The following PHF14 variants were observed in gnomAD, a reference collection of about 807,000 sequenced individuals.
The protein encoded by PHF14 is PHD finger protein 14.
In PHF14, 55 loss-of-function variants were observed where a neutral mutation model predicts 117.9. The ratio of observed to expected loss-of-function variants is 0.47; its 90% CI spans 0.38 to 0.58. PHF14 has a LOEUF of 0.58. Ranked by LOEUF, PHF14 falls within the 20% of genes least tolerant of loss-of-function variation. PHF14 has a pLI of 0.00. For synonymous variants in PHF14, 409 were observed against 368.6 expected, an observed-to-expected ratio of 1.11 and a Z score of -1.26; for missense variants, 978 against 1,122.2, an observed-to-expected ratio of 0.87 and a Z score of 1.84.
intron 17 of PHF14, among the ~76,000 whole-genome samples, chr7:11,147,009 G>A (rs1788566362): frequency 6.6e-6 from 1 of 151,970 alleles, no homozygotes; most frequent in Non-Finnish European, 1.5e-5. Flanking sequence ...ACGACACCTG[G>A]CTAATTTTGT....
intron 17 of PHF14, among the ~76,000 whole-genome samples, chr7:11,138,758 ATTT>A (rs1211498597): frequency 1.3e-5 from 2 of 152,174 alleles, no homozygotes; most frequent in Admixed American, 6.5e-5. Flanking sequence ...GGAATAATGT[ATTT>A]TTAATTGTAT....
rs1008251711 is a variant in PHF14, at chr7:11,130,773, A to G, written c.2772+19306A>G. ...AATAATGACACATGTCCACCATTACAGTGTCATACAGAATAGTTCACTGCC... is the reference window on the plus strand; with the variant it reads ...AATAATGACACATGTCCACCATTACGGTGTCATACAGAATAGTTCACTGCC... On this transcript the variant is annotated intron_variant, in intron 17 of 17. Transcript: ENST00000634607. This position sits in a 1 kb window ranked among gnomAD's most constrained non-coding sequence, Gnocchi z 4.2. Among the ~76,000 whole-genome samples, 4 of 151,958 alleles carry G rather than the reference A, an allele frequency of 2.6e-5. No homozygotes were observed. Among genetic ancestry groups the G allele is most frequent in the Admixed American group, 2.0e-4 (3 of 15,206 alleles).
At chr7:10,977,146 A>T (rs1263699519) in intron 2 of PHF14, among the ~76,000 whole-genome samples, 1 of 151,932 alleles carries the variant, frequency 6.6e-6, no homozygotes, top group Admixed American at 6.6e-5. Flanking sequence ...TCTTGTAGAG[A>T]ATAAGACATT....
chr7:11,025,906 G>A (rs1418610190), intron 6 of PHF14, among the ~76,000 whole-genome samples: 1 of 152,152 alleles, frequency 6.6e-6, no homozygotes, highest in Non-Finnish European at 1.5e-5. Context: ...GAGGTCAGGA[G>A]TTCGAGACCA....
chr7:11,024,703 G>T (rs879560752), intron 6 of PHF14, among the ~76,000 whole-genome samples: 2 of 152,224 alleles, frequency 1.3e-5, no homozygotes, highest in Non-Finnish European at 2.9e-5. Context: ...TAAGCCCCTT[G>T]TTGAGACTTA....
At position 11,007,929 on chromosome 7, in the gene PHF14, A is replaced by G. The variant is rs558660644; in HGVS notation, c.1046-5818A>G. ...ACTTTTCAGAGTGCTCACTTCATCT[A>G]AATCTCTTTTCTTTTTGAAATTTGA... On this transcript the variant is annotated intron_variant, in intron 4 of 17. Coordinates refer to ENST00000634607, the MANE Select transcript of PHF14 (RefSeq NM_001007157.2). Among the ~76,000 whole-genome samples, 4 of 152,322 alleles carry G rather than the reference A, an allele frequency of 2.6e-5. No homozygotes were observed. The East Asian group carries it at 7.7e-4, about 29-fold the overall frequency.
intron 16 of PHF14, among the ~76,000 whole-genome samples, chr7:11,087,715 C>T (rs1786473313): frequency 6.6e-6 from 1 of 152,072 alleles, no homozygotes; most frequent in Non-Finnish European, 1.5e-5. Context: ...TGTGTGTTTT[C>T]ATTTGGCCCA....
chr7:11,070,011 AT>A (rs1326147747), intron 16 of PHF14, among the ~76,000 whole-genome samples: 1 of 152,188 alleles, frequency 6.6e-6, no homozygotes, highest in Non-Finnish European at 1.5e-5. Context: ...CGGTGATACC[AT>A]CTGAACCTAG....
chr7:11,160,208 G>A (rs1788984134), intron 17 of PHF14, among the ~76,000 whole-genome samples: 1 of 152,102 alleles, frequency 6.6e-6, no homozygotes, highest in Non-Finnish European at 1.5e-5. Flanking sequence ...GCCTCCAGCT[G>A]CATCCATGTT....
At chr7:11,022,739 G>A (rs550007366) in intron 5 of PHF14, 129 bp from the exon 6 acceptor site, 7 of 484,216 alleles carry the variant, frequency 1.4e-5, no homozygotes, top group South Asian at 1.3e-4. Flanking sequence ...CTGAGATTGC[G>A]AGATTTTAAC....
At chr7:11,154,333 C>A (rs1186679410) in intron 17 of PHF14, among the ~76,000 whole-genome samples, 1 of 152,092 alleles carries the variant, frequency 6.6e-6, no homozygotes, top group South Asian at 2.1e-4. Context: ...AACATCATTT[C>A]AAGGTGAATT....
intron 6 of PHF14, among the ~76,000 whole-genome samples, chr7:11,026,109 CAAAAAAA>C (rs142566001): frequency 7.2e-5 from 4 of 55,698 alleles, no homozygotes; most frequent in African/African-American, 1.6e-4. Context: ...GAGACTCCAT[CAAAAAAA>C]AAAAAAAAAA....
chr7:11,098,529 A>T (rs1364348425), intron 16 of PHF14, among the ~76,000 whole-genome samples: 1 of 152,040 alleles, frequency 6.6e-6, no homozygotes, highest in Non-Finnish European at 1.5e-5. Context: ...CACTTCCCCC[A>T]ACCTTCTGGC....
intron 2 of PHF14, among the ~76,000 whole-genome samples, chr7:10,979,906 A>G (rs1781995459): frequency 1.3e-5 from 2 of 152,120 alleles, no homozygotes; most frequent in Non-Finnish European, 2.9e-5. Context: ...GTAAGCTATT[A>G]GGAGTTGGTT....
intron 14 of PHF14, among the ~76,000 whole-genome samples, chr7:11,055,464 T>C (rs1784986041): frequency 6.6e-6 from 1 of 152,196 alleles, no homozygotes; most frequent in African/African-American, 2.4e-5. Flanking sequence ...GAGATCTTTC[T>C]TCCTGACTTA....
chr7:10,986,566 G>A (rs1236517926), intron 3 of PHF14, among the ~76,000 whole-genome samples: 2 of 152,186 alleles, frequency 1.3e-5, no homozygotes, highest in East Asian at 3.9e-4. Flanking sequence ...CTGGGCATTA[G>A]ATAAACTGCA....
At chr7:11,145,915 A>C (rs987638554) in intron 17 of PHF14, among the ~76,000 whole-genome samples, 2 of 152,084 alleles carry the variant, frequency 1.3e-5, no homozygotes, top group African/African-American at 4.8e-5. Flanking sequence ...AAAATGTAAA[A>C]GCATAATTTA....
chr7:11,024,089 G>A (rs1053696497), intron 6 of PHF14, among the ~76,000 whole-genome samples: 2 of 152,168 alleles, frequency 1.3e-5, no homozygotes, highest in African/African-American at 4.8e-5. Flanking sequence ...ATAAGAAAGT[G>A]AAGCTGCCTT....
chr7:11,013,880 A>T lies in PHF14; in HGVS notation c.1179A>T (p.Gly393=), dbSNP rs372522731. 1.3e-5 allele frequency: 21 copies of T among 1,603,810 alleles called. No individual in the cohort carries two copies. In the African/African-American group the frequency reaches 2.5e-4, roughly 19 times the overall value. The part of the protein sequence containing the change: ...PSCELCPNQD[G]IFKETDAGRW... ...GTGAACTGTGTCCTAATCAGGATGG[A>T]ATTTTCAAGGAGACAGATGCTGGAA... Residue 393 remains glycine, a synonymous_variant, in exon 5 of 18, where the codon GGA becomes GGT. Transcript: ENST00000634607.
Sources: gnomAD v4.1 joint callset for allele counts (sites outside exome capture counted in the v4.1 genomes callset) on GRCh38, gnomAD v4.1.1 for gene constraint, Gnocchi (gnomAD v3.1) non-coding constraint, MANE v1.5 for transcripts, NCBI Gene and HGNC (gene_info 2026-07-23, HGNC 2026-07-21) for gene names.